SIPA1L1: variants seen among roughly 807,000 people sequenced by gnomAD.
The protein encoded by SIPA1L1 is signal-induced proliferation-associated 1-like protein 1.
A neutral mutation model predicts 162.7 loss-of-function variants in SIPA1L1; 26 were observed. The ratio of observed to expected loss-of-function variants is 0.16; its 90% CI spans 0.12 to 0.22. SIPA1L1 has a LOEUF of 0.22. Among genes scored for constraint, SIPA1L1 ranks in the 10% least tolerant of loss-of-function variants. The probability of loss-of-function intolerance (pLI) is 1.00; values close to 1 mark genes in which losing one functional copy is unlikely to be tolerated. For synonymous variants in SIPA1L1, 829 were observed against 837.4 expected (o/e 0.99, Z 0.17); for missense variants, 1,874 against 2,241.0 (o/e 0.84, Z 3.31).
intron 2 of SIPA1L1, among the ~76,000 whole-genome samples, chr14:71,372,688 G>T (rs576886125): frequency 1.4e-4 from 21 of 152,158 alleles, no homozygotes; most frequent in Admixed American, 3.9e-4. Context: ...TTGAACCGAG[G>T]TTAAGTGGTA....
At chr14:71,737,164 G>A (rs1851865556) in intron 22 of SIPA1L1, among the ~76,000 whole-genome samples, 1 of 152,200 alleles carries the variant, frequency 6.6e-6, no homozygotes, top group Non-Finnish European at 1.5e-5. Flanking sequence ...TTGCCACACT[G>A]TACACCACGG....
chr14:71,518,059 G>A (rs1712184195), intron 3 of SIPA1L1, among the ~76,000 whole-genome samples: 1 of 151,984 alleles, frequency 6.6e-6, no homozygotes, highest in African/African-American at 2.4e-5. Flanking sequence ...TGAGGCGGGT[G>A]AATCACTTGA....
intron 2 of SIPA1L1, among the ~76,000 whole-genome samples, chr14:71,415,472 G>A (rs1464409377): frequency 6.6e-6 from 1 of 152,110 alleles, no homozygotes; most frequent in African/African-American, 2.4e-5. Context: ...CTTTGGAACT[G>A]CCAAGAATTG....
chr14:71,579,646 C>T (rs748326511), intron 4 of SIPA1L1, among the ~76,000 whole-genome samples: 2 of 152,120 alleles, frequency 1.3e-5, no homozygotes, highest in African/African-American at 4.8e-5. Flanking sequence ...TTTTCTTTTA[C>T]GTTCTAGGTT....
chr14:71,695,157 G>T (rs1029707402), intron 13 of SIPA1L1, among the ~76,000 whole-genome samples: 1 of 152,170 alleles, frequency 6.6e-6, no homozygotes, highest in African/African-American at 2.4e-5. Flanking sequence ...ATCAAATTCA[G>T]AGTATTTGGA....
At chr14:71,546,318 C>T (rs1157434622) in intron 4 of SIPA1L1, among the ~76,000 whole-genome samples, 5 of 151,414 alleles carry the variant, frequency 3.3e-5, no homozygotes, top group Non-Finnish European at 7.4e-5. Context: ...TCTACTTTTG[C>T]GAACATAGCT....
chr14:71,698,845 C>A, intron 13 of SIPA1L1, 136 bp from the exon 14 acceptor site: 1 of 630,462 alleles, frequency 1.6e-6, no homozygotes, highest in Non-Finnish European at 2.3e-6. Context: ...CTTTTGTAGG[C>A]TTCCAGCTGG....
intron 5 of SIPA1L1, among the ~76,000 whole-genome samples, chr14:71,614,899 G>A (rs922661121): frequency 6.6e-6 from 1 of 151,812 alleles, no homozygotes; most frequent in East Asian, 1.9e-4. Flanking sequence ...ATACTAAAAT[G>A]ATTGTTTAAT....
chr14:71,366,476 G>A (rs572161154), intron 2 of SIPA1L1, among the ~76,000 whole-genome samples: 3 of 152,054 alleles, frequency 2.0e-5, no homozygotes, highest in East Asian at 3.9e-4. Context: ...TCGCTCTGAC[G>A]CCCAGGCTGG....
At chr14:71,485,956 A>C (rs1318358120) in intron 2 of SIPA1L1, among the ~76,000 whole-genome samples, 1 of 152,086 alleles carries the variant, frequency 6.6e-6, no homozygotes, top group Non-Finnish European at 1.5e-5. Flanking sequence ...CTCTCCAGAG[A>C]TCTTTCTGTT....
intron 12 of SIPA1L1, among the ~76,000 whole-genome samples, chr14:71,674,405 A>G (rs141541018): frequency 6.0e-4 from 91 of 152,252 alleles, no homozygotes; most frequent in Middle Eastern, 3.4e-3. Flanking sequence ...TAGACTAGAT[A>G]TATTGTGGTG....
At chr14:71,326,618 C>T (rs2140204779) in intron 2 of SIPA1L1, among the ~76,000 whole-genome samples, 1 of 151,954 alleles carries the variant, frequency 6.6e-6, no homozygotes, top group East Asian at 1.9e-4. Flanking sequence ...CAAGACTTGA[C>T]TATGGTCAGT....
chr14:71,623,902 A>G lies in SIPA1L1; in HGVS notation c.1630-146A>G, dbSNP rs191716409. The G allele has an allele frequency of 4.4e-5, 27 of 619,162 alleles. 1 individual carries two copies. The Admixed American group carries it at 7.1e-4, about 16-fold the overall frequency. 38.4% of individuals were successfully genotyped at this position (619,162 alleles called of 1,614,324 possible). A position where few individuals can be genotyped will look rare whatever the true frequency, so the allele number is the denominator to read the frequency against. On this transcript the variant is annotated intron_variant, in intron 6 of 23. Transcript: ENST00000381232. ...TACAGTATCCTACATCACTTTTCTC[A>G]TTCTTTCTCCCTCACTGGCTTTACC...
chr14:71,468,114 G>A (rs2047172068), intron 2 of SIPA1L1, among the ~76,000 whole-genome samples: 1 of 151,334 alleles, frequency 6.6e-6, no homozygotes, highest in Non-Finnish European at 1.5e-5. Flanking sequence ...TAAAAATTGG[G>A]TCTTTTATTT....
At chr14:71,346,975 A>G (rs1236828592) in intron 2 of SIPA1L1, among the ~76,000 whole-genome samples, 3 of 148,296 alleles carry the variant, frequency 2.0e-5, no homozygotes, top group Middle Eastern at 3.4e-3. Flanking sequence ...TTTTTTTGAG[A>G]CAGTCTTGCT....
At chr14:71,412,122 G>A (rs1460463774) in intron 2 of SIPA1L1, among the ~76,000 whole-genome samples, 1 of 152,170 alleles carries the variant, frequency 6.6e-6, no homozygotes, top group Non-Finnish European at 1.5e-5. Context: ...TTCTATGGGT[G>A]CAAGCTGCAG....
intron 2 of SIPA1L1, among the ~76,000 whole-genome samples, chr14:71,487,978 C>T (rs2048908776): frequency 1.3e-5 from 2 of 152,222 alleles, no homozygotes; most frequent in Admixed American, 1.3e-4. Flanking sequence ...ACATACACCC[C>T]ATCCTCAGTG....
intron 2 of SIPA1L1, among the ~76,000 whole-genome samples, chr14:71,410,213 G>A (rs1566986821): frequency 6.6e-6 from 1 of 152,102 alleles, no homozygotes; most frequent in Non-Finnish European, 1.5e-5. Context: ...CAATCCGCTG[G>A]TGAGCCATTA....
chr14:71,488,334 A>G (rs769781527), intron 2 of SIPA1L1, among the ~76,000 whole-genome samples: 12 of 152,096 alleles, frequency 7.9e-5, no homozygotes, highest in African/African-American at 1.4e-4. Flanking sequence ...ATGTAGTTCT[A>G]TGTTTATAGA....
Sources: gnomAD v4.1 joint callset for allele counts (sites outside exome capture counted in the v4.1 genomes callset) on GRCh38, gnomAD v4.1.1 for gene constraint, MANE v1.5 for transcripts, NCBI Gene and HGNC (gene_info 2026-07-23, HGNC 2026-07-21) for gene names.